The following CD99L2 variants were observed in gnomAD, a reference collection of about 807,000 sequenced individuals.
The protein encoded by CD99L2 is CD99 antigen-like protein 2.
Under a neutral mutation model 27.3 loss-of-function variants are expected in CD99L2, and 24 were observed. The ratio of observed to expected loss-of-function variants is 0.88; its 90% CI spans 0.64 to 1.24. The LOEUF is 1.24. Ranked by LOEUF, CD99L2 falls within the 50% of genes most tolerant of loss-of-function variation. The pLI is 0.00. For missense variants in CD99L2, 255 were observed against 221.6 expected (o/e 1.15, Z -0.96); for synonymous variants, 97 against 87.9 (o/e 1.10, Z -0.58).
At chrX:150,845,678 C>G (rs889934390) in intron 1 of CD99L2, among the ~76,000 whole-genome samples, 2 of 111,730 alleles carry the variant, frequency 1.8e-5, no homozygotes, top group Non-Finnish European at 3.8e-5. Context: ...CACTTGATCC[C>G]ATAGGAGTGA....
At chrX:150,802,092 T>C (rs943186264) in intron 4 of CD99L2, among the ~76,000 whole-genome samples, 6 of 111,648 alleles carry the variant, frequency 5.4e-5, no homozygotes, top group Non-Finnish European at 9.4e-5. Context: ...GGAAGAACTA[T>C]ATATGTTTCT....
At chrX:150,859,369 C>T (rs1158288563) in intron 1 of CD99L2, among the ~76,000 whole-genome samples, 1 of 110,820 alleles carries the variant, frequency 9.0e-6, no homozygotes, top group Non-Finnish European at 1.9e-5. Flanking sequence ...CATGGTGGCA[C>T]GCAGCTATAA....
chrX:150,790,314 A>G (rs1557419684), intron 7 of CD99L2, among the ~76,000 whole-genome samples: 1 of 109,411 alleles, frequency 9.1e-6, no homozygotes, highest in East Asian at 2.9e-4. Context: ...CATTTGCCAA[A>G]ACCCACAGAA....
At chrX:150,896,551 T>C (rs1569566197) in intron 1 of CD99L2, among the ~76,000 whole-genome samples, 2 of 111,963 alleles carry the variant, frequency 1.8e-5, no homozygotes, top group African/African-American at 6.5e-5. Flanking sequence ...GCCTGCAAAA[T>C]TGTCGAGGCA....
At chrX:150,813,758 T>C (rs782663106) in intron 4 of CD99L2, among the ~76,000 whole-genome samples, 1 of 112,494 alleles carries the variant, frequency 8.9e-6, no homozygotes, top group African/African-American at 3.2e-5. Flanking sequence ...GTATGAGCCA[T>C]TCCTCTCAAA....
chrX:150,824,140 GAGA>G (rs1447719180), intron 2 of CD99L2, among the ~76,000 whole-genome samples: 3 of 54,970 alleles, frequency 5.5e-5, no homozygotes, highest in East Asian at 1.3e-3. Context: ...GGAGGAGGAG[GAGA>G]AGAAGGAAGG....
intron 2 of CD99L2, among the ~76,000 whole-genome samples, chrX:150,818,124 A>G (rs2046191823): frequency 9.3e-6 from 1 of 107,632 alleles, no homozygotes. Flanking sequence ...TGCAAAATTG[A>G]AGAGAACAGA....
chrX:150,861,641 G>A (rs782115504), intron 1 of CD99L2, among the ~76,000 whole-genome samples: 1 of 111,729 alleles, frequency 9.0e-6, no homozygotes, highest in South Asian at 3.8e-4. Flanking sequence ...AGTGGCTCAC[G>A]CCTGTAATCC....
Position 150,777,496 on chromosome X carries a change from A to G in CD99L2, c.497-14T>C. The G allele has an allele frequency of 8.3e-7, 1 of 1,210,046 alleles. No individual in the cohort carries two copies. Among genetic ancestry groups the G allele is most frequent in the Non-Finnish European group, 1.1e-6 (1 of 894,852 alleles). ...ACCGGCCATCACCTGAAGAAAAGACAAAAGCACTTAGTGCCAGCGACCAGC... is the reference window on the plus strand; with the variant it reads ...ACCGGCCATCACCTGAAGAAAAGACGAAAGCACTTAGTGCCAGCGACCAGC... On this transcript the variant is annotated splice_polypyrimidine_tract_variant and intron_variant, in intron 7 of 10. Transcript: ENST00000370377.
intron 2 of CD99L2, among the ~76,000 whole-genome samples, chrX:150,821,761 A>C (rs1234888324): frequency 8.9e-6 from 1 of 112,498 alleles, no homozygotes; most frequent in Non-Finnish European, 1.9e-5. Context: ...CATATGATAA[A>C]TGTATAAAGA....
chrX:150,804,754 A>G (rs2045968692), intron 4 of CD99L2, among the ~76,000 whole-genome samples: 1 of 112,647 alleles, frequency 8.9e-6, no homozygotes, highest in Non-Finnish European at 1.9e-5. Context: ...AAGAGAGGAT[A>G]TCACTAATGA....
At chrX:150,848,111 GCC>G (rs372216723) in intron 1 of CD99L2, among the ~76,000 whole-genome samples, 4 of 93,470 alleles carry the variant, frequency 4.3e-5, no homozygotes, top group Non-Finnish European at 8.5e-5. Context: ...TGGCCTGCAG[GCC>G]CCCCCCCCCT....
Position 150,795,284 on chromosome X carries a change from C to T in CD99L2, c.352G>A (p.Asp118Asn), listed in dbSNP as rs201144465. ...TCCAGGGCATCAGCCAAGTCAAAATCATTTCCTTCATGGGGTCCCAAAATA... is the reference window on the plus strand; with the variant it reads ...TCCAGGGCATCAGCCAAGTCAAAATTATTTCCTTCATGGGGTCCCAAAATA... Reference protein sequence around the residue: ...TRAPANTLGNDFDLADALDDR... With the variant: ...TRAPANTLGNNFDLADALDDR... Residue 118 changes from aspartate (D) to asparagine (N), a missense_variant, in exon 6 of 11, where the codon GAT (aspartate) becomes AAT (asparagine). Physicochemically the swap from Asp to Asn is conservative, Grantham distance 23. Transcript: ENST00000370377. 1 of 1,210,134 alleles carries T rather than the reference C, an allele frequency of 8.3e-7. No individual in the cohort carries two copies. The highest frequency in any genetic ancestry group is 1.7e-5 in the African/African-American group (1 of 57,292).
chrX:150,828,176 G>A (rs781840700), intron 2 of CD99L2: 1 of 111,902 alleles, frequency 8.9e-6, no homozygotes, highest in African/African-American at 3.2e-5. Context: ...GATTTTGTCA[G>A]GAATTGTGTT....
At chrX:150,825,932 G>A (rs1315458826) in intron 2 of CD99L2, among the ~76,000 whole-genome samples, 1 of 111,716 alleles carries the variant, frequency 9.0e-6, no homozygotes, top group East Asian at 2.8e-4. Flanking sequence ...GTAACTGCTT[G>A]GTCTGAATGT....
intron 1 of CD99L2, among the ~76,000 whole-genome samples, chrX:150,891,359 T>C (rs1315606261): frequency 9.8e-5 from 11 of 112,034 alleles, no homozygotes; most frequent in African/African-American, 3.6e-4. Context: ...CTGTTCCCTG[T>C]CTTTTCCAGC....
At chrX:150,857,430 AG>A (rs1229585178) in intron 1 of CD99L2, among the ~76,000 whole-genome samples, 2 of 110,704 alleles carry the variant, frequency 1.8e-5, no homozygotes, top group Non-Finnish European at 1.9e-5. Flanking sequence ...ATTACAGGCC[AG>A]GAGAGAATGG....
chrX:150,797,065 C>T (rs1243487074), intron 4 of CD99L2, among the ~76,000 whole-genome samples: 1 of 109,983 alleles, frequency 9.1e-6, no homozygotes, highest in Non-Finnish European at 1.9e-5. Flanking sequence ...AATCAATAAT[C>T]TAAGTTACTA....
intron 4 of CD99L2, among the ~76,000 whole-genome samples, chrX:150,797,331 A>T (rs1458236212): frequency 8.9e-6 from 1 of 112,548 alleles, no homozygotes; most frequent in Non-Finnish European, 1.9e-5. Flanking sequence ...TAGATCTTGT[A>T]ACCATTAAAA....
Sources: allele counts gnomAD v4.1 joint callset (sites outside exome capture counted in the v4.1 genomes callset), GRCh38; gene constraint gnomAD v4.1.1; transcripts MANE v1.5; gene names NCBI Gene and HGNC (gene_info 2026-07-23, HGNC 2026-07-21).